Variants in FKBP6 observed in about 807,000 individuals in gnomAD.
FKBP6 encodes the protein inactive peptidyl-prolyl cis-trans isomerase FKBP6.
In FKBP6, 29 loss-of-function variants were observed where a neutral mutation model predicts 41.7. The observed-to-expected ratio is 0.70, with a 90% CI of 0.52 to 0.95. The LOEUF is 0.95. Ranked by LOEUF, FKBP6 falls within the 40% of genes least tolerant of loss-of-function variation. The pLI, the probability that FKBP6 is intolerant of heterozygous loss-of-function variation, is 0.00. For missense variants in FKBP6, 338 were observed against 408.7 expected, an observed-to-expected ratio of 0.83 and a Z score of 1.49; for synonymous variants, 130 against 165.1, an observed-to-expected ratio of 0.79 and a Z score of 1.63.
At chr7:73,331,544 C>T in intron 4 of FKBP6, 113 bp from the exon 5 acceptor site, 2 of 985,552 alleles carry the variant, frequency 2.0e-6, no homozygotes, top group African/African-American at 1.6e-5. Context: ...GACATGTTCT[C>T]ACTATGTTGC....
At chr7:73,329,639 G>A (rs534457379) in intron 3 of FKBP6, 190 bp downstream of exon 3, 99 of 626,146 alleles carry the variant, frequency 1.6e-4, no homozygotes, top group Admixed American at 1.3e-3. Context: ...TAACGGGCAA[G>A]GTATAATCTT....
At chr7:73,336,983 CCAA>C (rs1563314499) in intron 5 of FKBP6, 2 of 331,336 alleles carry the variant, frequency 6.0e-6, no homozygotes, top group African/African-American at 4.3e-5. Context: ...AAAATTTAAA[CCAA>C]GGAATAACTG....
intron 8 of FKBP6, among the ~76,000 whole-genome samples, chr7:73,350,136 G>A (rs1366889895): frequency 6.6e-6 from 1 of 152,176 alleles, no homozygotes; most frequent in Admixed American, 6.5e-5. Context: ...ATAGCAAAAC[G>A]ATGTGCAGCT....
chr7:73,338,128 C>T lies in FKBP6; in HGVS notation c.589-2510C>T, dbSNP rs190235697. Among the ~76,000 whole-genome samples, 310 of 152,192 alleles carry T rather than the reference C, an allele frequency of 2.0e-3. 1 individual carries two copies. Among genetic ancestry groups the T allele is most frequent in the Admixed American group, 5.6e-3 (86 of 15,280 alleles). ...GCAACCTCTGCCTCCCAGGTTCAAG[C>T]GATTCTCCTGCCTCAGCCTCCCAAG... On this transcript the variant is annotated intron_variant, in intron 5 of 8. Transcript: ENST00000252037.
At chr7:73,344,728 G>A (rs1244246890) in intron 8 of FKBP6, among the ~76,000 whole-genome samples, 1 of 152,108 alleles carries the variant, frequency 6.6e-6, no homozygotes, top group African/African-American at 2.4e-5. Context: ...GGGACTGCAG[G>A]TGTGAGCCAC....
chr7:73,339,683 G>C (rs1396305112), intron 5 of FKBP6, among the ~76,000 whole-genome samples: 3 of 147,636 alleles, frequency 2.0e-5, no homozygotes, highest in African/African-American at 7.5e-5. Flanking sequence ...GTGTGGTCTC[G>C]GTTCACCACA....
chr7:73,342,744 C>T (rs1805226163), intron 7 of FKBP6, 63 bp from the exon 8 acceptor site: 36 of 1,123,730 alleles, frequency 3.2e-5, no homozygotes, highest in Middle Eastern at 1.9e-4. Context: ...AGAATTCCAG[C>T]CACCAGATGT....
intron 3 of FKBP6, chr7:73,329,856 G>A (rs1804779726): frequency 1.8e-6 from 1 of 540,610 alleles, no homozygotes; most frequent in East Asian, 3.4e-5. Context: ...TGAGTGCCTG[G>A]GAGGTGAAAG....
chr7:73,358,409 C>T lies in FKBP6; in HGVS notation c.*231C>T, dbSNP rs1563327581. On this transcript the variant is annotated 3_prime_UTR_variant, in exon 9 of 9. Coordinates refer to ENST00000252037, the MANE Select transcript of FKBP6 (RefSeq NM_003602.5). ...AAAGCGCAGCTACTGACAAGTAGAA[C>T]ACTGCTACTTTTTTTAAGGCAGTTT... 6.6e-6 allele frequency: 1 copy of T among 152,556 alleles called. No homozygotes were observed. The highest frequency in any genetic ancestry group is 1.5e-5 in the Non-Finnish European group (1 of 68,018). 9.5% of individuals were successfully genotyped at this position (152,556 alleles called of 1,614,324 possible).
intron 5 of FKBP6, chr7:73,336,884 TTGATGACGTTGTATA>T (rs1309871391): frequency 6.7e-6 from 3 of 449,466 alleles, no homozygotes; most frequent in Non-Finnish European, 1.3e-5. Flanking sequence ...ATGGTTAGAC[TTGATGACGTTGTATA>T]TGATGAAGTT....
chr7:73,353,262 T>C (rs1805539068), intron 8 of FKBP6, among the ~76,000 whole-genome samples: 1 of 152,220 alleles, frequency 6.6e-6, no homozygotes, highest in African/African-American at 2.4e-5. Context: ...ATCCTTCATT[T>C]AACCACAGAA....
Position 73,342,920 on chromosome 7 carries a change from G to A in FKBP6, c.*2+21G>A, listed in dbSNP as rs377473494. The stretch of plus-strand genomic sequence containing the variant: ...TGAAGGTAATCAAAGGGCCAGGGTG[G>A]CACACAGGCTTCCGGATGGAGAAGC... On this transcript the variant is annotated intron_variant, in intron 8 of 8. Transcript: ENST00000252037. 3.9e-6 allele frequency: 6 copies of A among 1,536,706 alleles called. No individual in the cohort carries two copies. In the African/African-American group the frequency reaches 8.2e-5, roughly 21 times the overall value.
At chr7:73,346,952 A>G (rs1259553141) in intron 8 of FKBP6, among the ~76,000 whole-genome samples, 1 of 152,176 alleles carries the variant, frequency 6.6e-6, no homozygotes. Context: ...GGCCAGAACC[A>G]GGAGTCCAGG....
chr7:73,355,789 G>A (rs1298437638), intron 8 of FKBP6, among the ~76,000 whole-genome samples: 11 of 151,958 alleles, frequency 7.2e-5, no homozygotes, highest in African/African-American at 2.2e-4. Flanking sequence ...CATGCCAGCC[G>A]GGTGCGATGG....
At chr7:73,340,042 A>G (rs573565490) in intron 5 of FKBP6, among the ~76,000 whole-genome samples, 1 of 152,318 alleles carries the variant, frequency 6.6e-6, no homozygotes, top group East Asian at 1.9e-4. Context: ...CAATTAATGA[A>G]CATGAGATAT....
At chr7:73,332,994 G>A (rs1554547951) in intron 5 of FKBP6, among the ~76,000 whole-genome samples, 1 of 152,170 alleles carries the variant, frequency 6.6e-6, no homozygotes. Context: ...AAACATGGCT[G>A]GACGCAGTGG....
At chr7:73,341,505 C>A (rs1458304947) in intron 7 of FKBP6, 123 bp downstream of exon 7, 26 of 749,206 alleles carry the variant, frequency 3.5e-5, no homozygotes, top group Non-Finnish European at 5.8e-5. Flanking sequence ...AGGCCGCCCC[C>A]TCTACAGCTG....
chr7:73,346,870 A>C (rs1554550355), intron 8 of FKBP6, among the ~76,000 whole-genome samples: 1 of 152,172 alleles, frequency 6.6e-6, no homozygotes, highest in Non-Finnish European at 1.5e-5. Context: ...GCCCTAACCG[A>C]AGTTACTGAT....
intron 8 of FKBP6, among the ~76,000 whole-genome samples, chr7:73,352,630 C>A (rs1805522860): frequency 6.6e-6 from 1 of 152,168 alleles, no homozygotes. Context: ...TCCCAAGCAG[C>A]CACCGACCCA....
Sources: gnomAD v4.1 joint callset for allele counts (sites outside exome capture counted in the v4.1 genomes callset) on GRCh38, gnomAD v4.1.1 for gene constraint, MANE v1.5 for transcripts, NCBI Gene and HGNC (gene_info 2026-07-23, HGNC 2026-07-21) for gene names.